ADGRV1: variants seen among roughly 807,000 people sequenced by gnomAD.
ADGRV1 encodes the protein G-protein coupled receptor 98.
In ADGRV1, 359 loss-of-function variants were observed where a neutral mutation model predicts 596.2. The observed-to-expected ratio is 0.60, with a 90% confidence interval of 0.55 to 0.66. The LOEUF (loss-of-function observed/expected upper bound fraction) is 0.66. ADGRV1 is among the 30% of genes least tolerant of loss of function. The pLI is 0.00. For missense variants in ADGRV1, 7,274 were observed against 7,575.6 expected, an observed-to-expected ratio of 0.96 and a Z score of 1.48; for synonymous variants, 2,681 against 2,679.2, an observed-to-expected ratio of 1.00 and a Z score of -0.02.
intron 74 of ADGRV1, among the ~76,000 whole-genome samples, chr5:90,811,734 T>C (rs1170653847): frequency 6.6e-6 from 1 of 152,118 alleles, no homozygotes; most frequent in African/African-American, 2.4e-5. Flanking sequence ...ATTCTTTTTT[T>C]TTTTTTTCTG....
chr5:90,924,114 T>A (rs371306104), intron 83 of ADGRV1, among the ~76,000 whole-genome samples: 12 of 150,912 alleles, frequency 8.0e-5, no homozygotes, highest in East Asian at 1.9e-4. Flanking sequence ...TCTTTATAGC[T>A]GCATGATTTA....
intron 85 of ADGRV1, among the ~76,000 whole-genome samples, chr5:91,052,846 A>G (rs1391040970): frequency 3.3e-5 from 5 of 152,202 alleles, no homozygotes; most frequent in Admixed American, 6.5e-5. Flanking sequence ...TAGATTAAAA[A>G]AGTCAGGGAA....
chr5:90,691,497 G>A (rs944798904), intron 31 of ADGRV1, among the ~76,000 whole-genome samples: 2 of 149,334 alleles, frequency 1.3e-5, no homozygotes, highest in Non-Finnish European at 3.0e-5. Context: ...GGATTCTCCT[G>A]CCTCAGCCTT....
intron 78 of ADGRV1, among the ~76,000 whole-genome samples, chr5:90,844,030 A>G (rs2150369702): frequency 6.6e-6 from 1 of 152,346 alleles, no homozygotes; most frequent in South Asian, 2.1e-4. Flanking sequence ...TAAACCACAA[A>G]TACATTTTTT....
chr5:90,802,665 C>A, intron 70 of ADGRV1, 74 bp from the exon 71 acceptor site: 1 of 1,393,698 alleles, frequency 7.2e-7, no homozygotes, highest in Non-Finnish European at 9.9e-7. Context: ...AGGCATTATG[C>A]TAATGGCTCA....
At chr5:90,998,010 A>G (rs1781558040) in intron 85 of ADGRV1, among the ~76,000 whole-genome samples, 1 of 152,194 alleles carries the variant, frequency 6.6e-6, no homozygotes, top group Non-Finnish European at 1.5e-5. Flanking sequence ...GCCCAGTTAA[A>G]CATTGTTGAC....
At chr5:90,701,286 C>T (rs1747879531) in intron 34 of ADGRV1, among the ~76,000 whole-genome samples, 1 of 152,004 alleles carries the variant, frequency 6.6e-6, no homozygotes, top group Non-Finnish European at 1.5e-5. Context: ...ATTTGGAAGG[C>T]TAAGCACTTA....
In ADGRV1 at chr5:90,928,098, T is replaced by C. The variant is rs372658246; in HGVS notation, c.17857-37317T>C. Among the ~76,000 whole-genome samples the C allele has an allele frequency of 7.4e-4, 112 of 152,142 alleles. No homozygotes were observed. The Middle Eastern group carries it at 0.01, about 14-fold the overall frequency. Reference sequence around the variant, plus strand: ...TTCATTTCAACTTTGGTGAATCTGATAATTATGTGTCTTGAAGTTGCTCTT... The same window carrying C: ...TTCATTTCAACTTTGGTGAATCTGACAATTATGTGTCTTGAAGTTGCTCTT... On this transcript the variant is annotated intron_variant, in intron 83 of 89. Transcript: ENST00000405460.
At chr5:90,662,662 C>G (rs1770557095) in intron 21 of ADGRV1, among the ~76,000 whole-genome samples, 1 of 150,846 alleles carries the variant, frequency 6.6e-6, no homozygotes, top group African/African-American at 2.4e-5. Flanking sequence ...GCACATTGTG[C>G]AGGTTAGTTA....
chr5:91,065,281 T>C (rs959707760), intron 85 of ADGRV1, among the ~76,000 whole-genome samples: 1 of 152,090 alleles, frequency 6.6e-6, no homozygotes. Context: ...AGGAGACCTC[T>C]GAGGGAGGCT....
chr5:91,067,461 A>G (rs1260166552), intron 85 of ADGRV1, among the ~76,000 whole-genome samples: 2 of 152,072 alleles, frequency 1.3e-5, no homozygotes, highest in Non-Finnish European at 2.9e-5. Flanking sequence ...GATTTTTAAG[A>G]TCATTAGCGC....
rs143004930 is a variant in ADGRV1 at position 90,755,173 on chromosome 5, T to C, written c.11568T>C (p.Val3856=). Residue 3856 remains valine (V), a synonymous_variant, in exon 55 of 90, where the codon GTT becomes GTC. Coordinates refer to ENST00000405460, the MANE Select transcript of ADGRV1 (RefSeq NM_032119.4). ...KENIKEAHAE[V]SILPDDLPEL... is the part of the protein sequence containing the mutation. The stretch of plus-strand genomic sequence containing the variant: ...ACATAAAAGAAGCTCATGCCGAAGT[T>C]TCCATTTTGCCGGTAAGTCAAGGCT... 589 of 1,600,762 alleles carry C rather than the reference T, an allele frequency of 3.7e-4. 2 individuals carry two copies. The African/African-American group carries it at 7.0e-3, about 19-fold the overall frequency.
chr5:90,644,791 A>G lies in ADGRV1; in HGVS notation c.2820A>G (p.Val940=), dbSNP rs369910075. 55 of 1,611,680 alleles carry G rather than the reference A, an allele frequency of 3.4e-5. No individual in the cohort carries two copies. In the Middle Eastern group the frequency reaches 2.1e-3, roughly 63 times the overall value. The change falls in exon 15 of 90, where the codon GTA becomes GTG. Residue 940 remains valine, a synonymous_variant. Coordinates refer to ENST00000405460, the MANE Select transcript of ADGRV1 (RefSeq NM_032119.4). ...WVVSPDFTQD[V]FPVQGTVVFG... ...TTAGTCCAGACTTTACACAAGATGT[A>G]TTTCCTGTACAAGGGACTGTTGTCT...
intron 45 of ADGRV1, among the ~76,000 whole-genome samples, chr5:90,722,099 T>C (rs1240711156): frequency 2.6e-5 from 4 of 152,182 alleles, no homozygotes; most frequent in Non-Finnish European, 4.4e-5. Context: ...GGTATAATCA[T>C]ATATGGATTT....
intron 87 of ADGRV1, among the ~76,000 whole-genome samples, chr5:91,135,902 C>T (rs182998817): frequency 8.5e-5 from 13 of 152,258 alleles, no homozygotes; most frequent in Non-Finnish European, 1.8e-4. Flanking sequence ...AGCATCTCCA[C>T]ACCGTGGAGG....
At chr5:91,012,488 C>G (rs1367493421) in intron 85 of ADGRV1, among the ~76,000 whole-genome samples, 1 of 151,770 alleles carries the variant, frequency 6.6e-6, no homozygotes, top group African/African-American at 2.4e-5. Context: ...GGGTTCTTTC[C>G]CCTATGAATA....
intron 42 of ADGRV1, among the ~76,000 whole-genome samples, chr5:90,715,758 TC>T (rs2149740225): frequency 6.6e-6 from 1 of 152,238 alleles, no homozygotes; most frequent in African/African-American, 2.4e-5. Flanking sequence ...GTCTGCCACT[TC>T]CCAGCTTGTA....
rs775247330 is a variant in ADGRV1, at chr5:90,720,049, C to G, written c.9449C>G (p.Ala3150Gly). The G allele has an allele frequency of 6.2e-7, 1 of 1,612,314 alleles. No individual in the cohort carries two copies. The highest frequency in any genetic ancestry group is 1.3e-5 in the African/African-American group (1 of 75,004). ...IVLEEGVRFK[A>G]LQISAILDTE... ...CTTATCTTTTGATTTTGTTTTCAGG[C>G]CCTACAAATATCTGCCATATTAGAC... The change falls in exon 44 of 90, where the codon GCC (alanine) becomes GGC (glycine). Residue 3150 changes from alanine to glycine, a missense_variant and splice_region_variant. By Grantham distance (60) the Ala-to-Gly change is moderately conservative. This residue lies in a region of ADGRV1 where 3,643 missense variants were observed against 3,809.2 expected (regional missense o/e 0.96). Coordinates refer to ENST00000405460, the MANE Select transcript of ADGRV1 (RefSeq NM_032119.4).
At chr5:90,644,967 A>C (rs1706887172) in intron 15 of ADGRV1, 98 bp downstream of exon 15, 1 of 902,426 alleles carries the variant, frequency 1.1e-6, no homozygotes, top group Non-Finnish European at 1.6e-6. Context: ...TTTTGTGATA[A>C]AAGTTTGTAA....
Sources: gnomAD v4.1 joint callset for allele counts (sites outside exome capture counted in the v4.1 genomes callset) on GRCh38, gnomAD v4.1.1 for gene constraint, gnomAD v4.1.1 regional missense constraint, MANE v1.5 for transcripts, NCBI Gene and HGNC (gene_info 2026-07-23, HGNC 2026-07-21) for gene names.